The following SLC17A4 variants were observed in gnomAD, a reference collection of about 807,000 sequenced individuals.
The protein encoded by SLC17A4 is probable small intestine urate exporter.
Under a neutral mutation model 52.5 loss-of-function variants are expected in SLC17A4, and 33 were observed. That is an observed-to-expected ratio of 0.63 (90% CI 0.48 to 0.84). The LOEUF is 0.84. SLC17A4 is among the 40% of genes least tolerant of loss of function. SLC17A4 has a pLI of 0.00. For synonymous variants in SLC17A4, 225 were observed against 216.2 expected (o/e 1.04, Z -0.36); for missense variants, 585 against 597.1 (o/e 0.98, Z 0.21).
chr6:25,773,465 G>C (rs1291624480), intron 7 of SLC17A4, 48 bp from the exon 8 acceptor site: 2 of 1,612,878 alleles, frequency 1.2e-6, no homozygotes, highest in Admixed American at 1.7e-5. Flanking sequence ...ATGTGATAGA[G>C]AGAGCTGCCT....
rs150228078 is a variant in SLC17A4, at chr6:25,776,640, A to G, written c.1033A>G (p.Ile345Val). The G allele has an allele frequency of 5.3e-4, 851 of 1,613,656 alleles. 9 individuals are homozygous for G. The South Asian group carries it at 8.6e-3, about 16-fold the overall frequency. The change falls in exon 9 of 12, where the codon ATT becomes GTT. Residue 345 changes from isoleucine to valine, a missense_variant. By Grantham distance (29) the Ile-to-Val change is conservative. Coordinates refer to ENST00000377905, the MANE Select transcript of SLC17A4 (RefSeq NM_005495.3). ...GCCGTTTGTTGTTGGATGTATCTGC[A>G]TTATCCTTGGAGGTCTACTGGCAGA... ...ALPFVVGCICIILGGLLADFL... is the reference protein window; with the variant it reads ...ALPFVVGCICVILGGLLADFL...
At chr6:25,777,092 T>A in intron 10 of SLC17A4, 133 bp downstream of exon 10, 1 of 947,916 alleles carries the variant, frequency 1.1e-6, no homozygotes, top group Non-Finnish European at 1.5e-6. Flanking sequence ...CTCTACATCC[T>A]ACATCTAAAT....
intron 1 of SLC17A4, among the ~76,000 whole-genome samples, chr6:25,761,385 C>A (rs1761515397): frequency 6.6e-6 from 1 of 152,180 alleles, no homozygotes; most frequent in South Asian, 2.1e-4. Flanking sequence ...ACTTAGATCT[C>A]AGGCCCCCAC....
Position 25,770,401 on chromosome 6 carries a change from T to A in SLC17A4, c.549T>A (p.Gly183=), listed in dbSNP as rs1368843063. The A allele has an allele frequency of 3.1e-6, 5 of 1,614,012 alleles. No homozygotes were observed. The highest frequency in any genetic ancestry group is 4.2e-6 in the Non-Finnish European group (5 of 1,179,968). ...CCCCCCAGGTTATGGTATTAACTGGTCAGTATTCAATTTGGGTCAAATGGG... is the reference window on the plus strand; with the variant it reads ...CCCCCCAGGTTATGGTATTAACTGGACAGTATTCAATTTGGGTCAAATGGG... ...QGIAQVMVLT[G]QYSIWVKWAP... Residue 183 remains glycine (G), a synonymous_variant, in exon 5 of 12, where the codon GGT becomes GGA. Transcript: ENST00000377905.
At chr6:25,765,304 T>C (rs73733701) in intron 2 of SLC17A4, among the ~76,000 whole-genome samples, 3,790 of 152,360 alleles carry the variant, frequency 0.025, 71 homozygotes, top group Middle Eastern at 0.095. Context: ...GCAGTCTTTA[T>C]GTATTAATTC....
rs1762588180 is a variant in SLC17A4, at chr6:25,772,783, G to C, written c.707-492G>C. On this transcript the variant is annotated intron_variant, in intron 6 of 11. Coordinates refer to ENST00000377905, the MANE Select transcript of SLC17A4 (RefSeq NM_005495.3). ...ATGCTGACTGGTACGTGAATGGTGA[G>C]GGCATTTTCAAGCACGTGGGGCAAA... Among the ~76,000 whole-genome samples the C allele has an allele frequency of 2.0e-5, 3 of 152,190 alleles. 1 individual carries two copies. The highest frequency in any genetic ancestry group is 6.5e-5 in the Admixed American group (1 of 15,270).
intron 2 of SLC17A4, among the ~76,000 whole-genome samples, chr6:25,767,231 A>T (rs907740103): frequency 1.3e-5 from 2 of 152,216 alleles, no homozygotes; most frequent in African/African-American, 4.8e-5. Flanking sequence ...GTACATAAAC[A>T]ACATTTTAAG....
chr6:25,778,758 A>G (rs184074728), intron 11 of SLC17A4, among the ~76,000 whole-genome samples: 1 of 152,346 alleles, frequency 6.6e-6, no homozygotes, highest in East Asian at 1.9e-4. Context: ...TACAATGATC[A>G]AGGAAGGACT....
At chr6:25,762,074 C>T (rs761804047) in intron 2 of SLC17A4, 21 bp downstream of exon 2, 1 of 1,600,318 alleles carries the variant, frequency 6.2e-7, no homozygotes, top group East Asian at 2.2e-5. Flanking sequence ...GCACAGTAAT[C>T]TGGTAGTAAA....
intron 10 of SLC17A4, 103 bp downstream of exon 10, chr6:25,777,062 G>C: frequency 7.8e-7 from 1 of 1,290,268 alleles, no homozygotes. Context: ...ACAACAGGTT[G>C]CAGGAAATGT....
intron 1 of SLC17A4, among the ~76,000 whole-genome samples, chr6:25,755,524 C>G (rs1760938764): frequency 6.6e-6 from 1 of 151,628 alleles, no homozygotes; most frequent in Non-Finnish European, 1.5e-5. Context: ...AGCAGAGGAA[C>G]AGGGTGCATA....
intron 2 of SLC17A4, among the ~76,000 whole-genome samples, chr6:25,765,544 C>T (rs778382744): frequency 1.6e-4 from 25 of 151,948 alleles, no homozygotes; most frequent in Non-Finnish European, 3.1e-4. Context: ...TTAAAGTTCT[C>T]AATAATGACA....
chr6:25,770,913 C>T lies in SLC17A4; in HGVS notation c.620-13C>T. 6.2e-7 allele frequency: 1 copy of T among 1,609,928 alleles called. No homozygotes were observed. Among genetic ancestry groups the T allele is most frequent in the Non-Finnish European group, 8.5e-7 (1 of 1,176,262 alleles). ...GTCCTCTCACCCAGAACATCCTCGCCTCTTCTGTTCAGGGTCAATGCTGGG... is the reference window on the plus strand; with the variant it reads ...GTCCTCTCACCCAGAACATCCTCGCTTCTTCTGTTCAGGGTCAATGCTGGG... On this transcript the variant is annotated splice_polypyrimidine_tract_variant and intron_variant, in intron 5 of 11. Transcript: ENST00000377905.
chr6:25,764,989 C>T (rs529080805), intron 2 of SLC17A4, among the ~76,000 whole-genome samples: 1 of 152,300 alleles, frequency 6.6e-6, no homozygotes, highest in South Asian at 2.1e-4. Flanking sequence ...TCCTCCTCCC[C>T]ACCCCTGCCA....
intron 6 of SLC17A4, among the ~76,000 whole-genome samples, chr6:25,771,639 A>C (rs988896384): frequency 9.2e-5 from 14 of 152,246 alleles, no homozygotes; most frequent in Middle Eastern, 3.4e-3. Flanking sequence ...TTTTAATTTA[A>C]TATATTCTTT....
At chr6:25,766,769 C>T (rs1166914403) in intron 2 of SLC17A4, among the ~76,000 whole-genome samples, 1 of 152,164 alleles carries the variant, frequency 6.6e-6, no homozygotes, top group Non-Finnish European at 1.5e-5. Context: ...CGTTTCAAAA[C>T]TATCAAGGTC....
At chr6:25,765,376 A>C (rs893617475) in intron 2 of SLC17A4, among the ~76,000 whole-genome samples, 3 of 152,354 alleles carry the variant, frequency 2.0e-5, no homozygotes, top group African/African-American at 7.2e-5. Context: ...ATTTTGTAGG[A>C]GCCTGCTCAG....
chr6:25,759,246 G>A (rs1761312132), intron 1 of SLC17A4, among the ~76,000 whole-genome samples: 2 of 152,166 alleles, frequency 1.3e-5, no homozygotes, highest in African/African-American at 2.4e-5. Context: ...AATGTCCCAT[G>A]TGCTGATGAA....
chr6:25,757,871 T>C (rs1321959945), intron 1 of SLC17A4, among the ~76,000 whole-genome samples: 1 of 152,192 alleles, frequency 6.6e-6, no homozygotes, highest in Non-Finnish European at 1.5e-5. Flanking sequence ...GCAGTTAGGG[T>C]TCCTTTCTCA....
Sources: gnomAD v4.1 joint callset for allele counts (sites outside exome capture counted in the v4.1 genomes callset) on GRCh38, gnomAD v4.1.1 for gene constraint, MANE v1.5 for transcripts, NCBI Gene and HGNC (gene_info 2026-07-23, HGNC 2026-07-21) for gene names.